FSTL5: variants seen among roughly 807,000 people sequenced by gnomAD.
The protein encoded by FSTL5 is follistatin-related protein 5.
A neutral mutation model predicts 89.1 loss-of-function variants in FSTL5; 62 were observed. The observed-to-expected ratio is 0.70, with a 90% CI of 0.57 to 0.86. FSTL5 has a LOEUF of 0.86. FSTL5 is among the 40% of genes least tolerant of loss of function. The pLI, the probability that FSTL5 is intolerant of heterozygous loss-of-function variation, is 0.00. For missense variants in FSTL5, 1,057 were observed against 1,001.6 expected (o/e 1.06, Z -0.75); for synonymous variants, 383 against 346.2 (o/e 1.11, Z -1.18).
chr4:162,056,617 T>C (rs6819718), intron 2 of FSTL5, among the ~76,000 whole-genome samples: 1 of 152,160 alleles, frequency 6.6e-6, no homozygotes, highest in Admixed American at 6.6e-5. Flanking sequence ...ACATTTTATA[T>C]CATGCAAAAT....
chr4:161,576,034 T>A (rs1179882344), intron 8 of FSTL5, among the ~76,000 whole-genome samples: 1 of 151,774 alleles, frequency 6.6e-6, no homozygotes, highest in Non-Finnish European at 1.5e-5. Context: ...AACAGACAAA[T>A]AAAGAGCCAA....
intron 2 of FSTL5, among the ~76,000 whole-genome samples, chr4:162,098,259 A>G (rs1464293389): frequency 1.3e-5 from 2 of 151,978 alleles, no homozygotes; most frequent in East Asian, 1.9e-4. Flanking sequence ...AAATCTTAAA[A>G]CAGATAAAAC....
At chr4:161,697,853 T>G (rs62330774) in intron 6 of FSTL5, among the ~76,000 whole-genome samples, 52,598 of 151,960 alleles carry the variant, frequency 0.35, 11,409 homozygotes, top group East Asian at 0.66. Context: ...TTCCTTGGTT[T>G]GAAGTTTATT....
intron 6 of FSTL5, among the ~76,000 whole-genome samples, chr4:161,673,354 G>A (rs2126700387): frequency 6.6e-6 from 1 of 152,002 alleles, no homozygotes; most frequent in South Asian, 2.1e-4. Context: ...GTTGCAGTAA[G>A]TTACTCAGTT....
chr4:161,634,720 T>TG (rs1042501314), intron 7 of FSTL5, among the ~76,000 whole-genome samples: 22 of 152,096 alleles, frequency 1.4e-4, no homozygotes, highest in African/African-American at 5.3e-4. Flanking sequence ...AGTAGAATGG[T>TG]GGTTGTCAGG....
At chr4:161,472,380 C>T (rs989678912) in intron 13 of FSTL5, among the ~76,000 whole-genome samples, 1 of 152,060 alleles carries the variant, frequency 6.6e-6, no homozygotes, top group Non-Finnish European at 1.5e-5. Flanking sequence ...TTTCTGCTAG[C>T]TCTGACTTTA....
intron 3 of FSTL5, among the ~76,000 whole-genome samples, chr4:161,934,223 AC>A (rs1734369872): frequency 2.0e-5 from 3 of 152,116 alleles, no homozygotes; most frequent in Admixed American, 1.3e-4. Context: ...TTCTGCCTGT[AC>A]TTTGCTCCTA....
chr4:161,764,360 G>A (rs1454597708), intron 5 of FSTL5, among the ~76,000 whole-genome samples: 3 of 152,040 alleles, frequency 2.0e-5, no homozygotes, highest in African/African-American at 7.3e-5. Flanking sequence ...CTGGGTTCAA[G>A]CAATTCTCCT....
chr4:161,499,631 T>C (rs1313797311), intron 12 of FSTL5, among the ~76,000 whole-genome samples: 1 of 152,184 alleles, frequency 6.6e-6, no homozygotes, highest in East Asian at 1.9e-4. Flanking sequence ...GCATCTAATA[T>C]ACACCAGCTT....
chr4:162,143,983 G>T (rs1003275691), intron 1 of FSTL5, among the ~76,000 whole-genome samples: 1 of 152,028 alleles, frequency 6.6e-6, no homozygotes, highest in African/African-American at 2.4e-5. Flanking sequence ...TACTAAAAAA[G>T]CTCAAGATAT....
chr4:162,126,506 C>T (rs191918131), intron 1 of FSTL5, among the ~76,000 whole-genome samples: 89 of 151,956 alleles, frequency 5.9e-4, no homozygotes, highest in Admixed American at 4.3e-3. Context: ...TTTTTCTCTT[C>T]GGAGTCTAGC....
intron 6 of FSTL5, among the ~76,000 whole-genome samples, chr4:161,719,940 C>G (rs1248728070): frequency 6.6e-6 from 1 of 152,048 alleles, no homozygotes; most frequent in Non-Finnish European, 1.5e-5. Context: ...AGACTCAAAA[C>G]TTTAAAACTT....
At chr4:161,779,783 A>ATG (rs1741569839) in intron 4 of FSTL5, among the ~76,000 whole-genome samples, 5 of 38,564 alleles carry the variant, frequency 1.3e-4, no homozygotes, top group East Asian at 1.7e-3. Context: ...ATGTATATAT[A>ATG]TATATATATA....
intron 13 of FSTL5, 88 bp downstream of exon 13, chr4:161,480,932 T>A (rs756426605): frequency 1.6e-4 from 137 of 867,590 alleles, no homozygotes; most frequent in Non-Finnish European, 2.1e-4. Context: ...ACATTATCAG[T>A]GACAATCAAG....
intron 3 of FSTL5, among the ~76,000 whole-genome samples, chr4:161,962,879 G>A (rs1735220885): frequency 6.6e-6 from 1 of 151,964 alleles, no homozygotes; most frequent in South Asian, 2.1e-4. Flanking sequence ...TTTTGTAGAT[G>A]AGGAAAATTA....
At chr4:161,810,504 C>T (rs193072762) in intron 4 of FSTL5, among the ~76,000 whole-genome samples, 2 of 152,224 alleles carry the variant, frequency 1.3e-5, no homozygotes, top group Admixed American at 1.3e-4. Context: ...AATTGACGAC[C>T]ACCTTGTGAG....
intron 12 of FSTL5, among the ~76,000 whole-genome samples, chr4:161,497,732 T>C (rs1730132213): frequency 6.6e-6 from 1 of 152,052 alleles, no homozygotes; most frequent in African/African-American, 2.4e-5. Context: ...AATATGACTG[T>C]AGATTTCCAG....
intron 4 of FSTL5, among the ~76,000 whole-genome samples, chr4:161,872,140 G>GTTT (rs1491313878): frequency 0.041 from 2,741 of 66,900 alleles, 53 homozygotes; most frequent in Middle Eastern, 0.068. Context: ...TTTTTTTTTT[G>GTTT]GTTTTTTTTT....
At chr4:162,026,304 C>CTATTTTTTTTTTTTTTTTTTTT (rs1737281083) in intron 3 of FSTL5, among the ~76,000 whole-genome samples, 1 of 79,474 alleles carries the variant, frequency 1.3e-5, no homozygotes. Flanking sequence ...TATGTATTTT[C>CTATTTTTTTTTTTTTTTTTTTT]TTTTTTTTTT....
Sources: gnomAD v4.1 joint callset for allele counts (sites outside exome capture counted in the v4.1 genomes callset) on GRCh38, gnomAD v4.1.1 for gene constraint, MANE v1.5 for transcripts, NCBI Gene and HGNC (gene_info 2026-07-23, HGNC 2026-07-21) for gene names.